TNR: variants seen among roughly 807,000 people sequenced by gnomAD.
The protein encoded by TNR is tenascin R.
In TNR, 45 loss-of-function variants were observed where a neutral mutation model predicts 150.4. That is an observed-to-expected ratio of 0.30 (90% confidence interval 0.24 to 0.38). TNR has a LOEUF of 0.38. Ranked by LOEUF, TNR falls within the 10% of genes least tolerant of loss-of-function variation. The pLI is 1.00. For synonymous variants in TNR, 687 were observed against 678.4 expected, an observed-to-expected ratio of 1.01 and a Z score of -0.20; for missense variants, 1,544 against 1,759.1, an observed-to-expected ratio of 0.88 and a Z score of 2.19.
rs142360833 is a variant in TNR at position 175,475,575 on chromosome 1, A to G, written c.-64+52694T>C. Among the ~76,000 whole-genome samples, 515 of 152,340 alleles carry G rather than the reference A, an allele frequency of 3.4e-3. 5 individuals carry two copies. Among genetic ancestry groups the G allele is most frequent in the Non-Finnish European group, 6.1e-3 (416 of 68,028 alleles). ...AATGCAAAATTCTTACAGTTCTAGG[A>G]TCATGCAGTTCTGGGATGGTGCCAC... On this transcript the variant is annotated intron_variant, in intron 2 of 22. Coordinates refer to ENST00000367674, the MANE Select transcript of TNR (RefSeq NM_003285.3).
chr1:175,534,346 T>G (rs1660187584), intron 1 of TNR, among the ~76,000 whole-genome samples: 1 of 152,224 alleles, frequency 6.6e-6, no homozygotes, highest in Admixed American at 6.5e-5. Context: ...AGAGTTTCCT[T>G]GGGACAGCTG....
At chr1:175,601,225 T>C (rs1469679597) in intron 1 of TNR, among the ~76,000 whole-genome samples, 2 of 152,248 alleles carry the variant, frequency 1.3e-5, no homozygotes, top group African/African-American at 4.8e-5. Context: ...GCACTTGCTC[T>C]GCAGCGGGTA....
intron 2 of TNR, among the ~76,000 whole-genome samples, chr1:175,480,129 A>G (rs1399435029): frequency 6.6e-6 from 1 of 152,068 alleles, no homozygotes; most frequent in Non-Finnish European, 1.5e-5. Context: ...GACTCCTCCT[A>G]CATGTCTCTG....
At chr1:175,548,692 G>A (rs1443395022) in intron 1 of TNR, among the ~76,000 whole-genome samples, 1 of 150,786 alleles carries the variant, frequency 6.6e-6, no homozygotes, top group African/African-American at 2.4e-5. Context: ...GGATGGGCAG[G>A]GAGCCTCTCT....
chr1:175,472,763 T>G (rs1657358092), intron 2 of TNR, among the ~76,000 whole-genome samples: 1 of 152,140 alleles, frequency 6.6e-6, no homozygotes, highest in Admixed American at 6.6e-5. Flanking sequence ...AAGGAGGGTA[T>G]GTAGTCATCT....
At chr1:175,460,394 CCCA>C (rs1346638172) in intron 2 of TNR, among the ~76,000 whole-genome samples, 1 of 151,890 alleles carries the variant, frequency 6.6e-6, no homozygotes, top group Non-Finnish European at 1.5e-5. Flanking sequence ...GTCCCTCACT[CCCA>C]CCAAGAAGGA....
At chr1:175,645,040 G>GT (rs1664770126) in intron 1 of TNR, among the ~76,000 whole-genome samples, 1 of 152,166 alleles carries the variant, frequency 6.6e-6, no homozygotes, top group African/African-American at 2.4e-5. Context: ...TATTTATTGA[G>GT]TGCTAACTGG....
chr1:175,628,461 A>G (rs773749500), intron 1 of TNR, among the ~76,000 whole-genome samples: 1 of 152,092 alleles, frequency 6.6e-6, no homozygotes, highest in Non-Finnish European at 1.5e-5. Flanking sequence ...ACATGTATAC[A>G]TATGTAACAA....
intron 1 of TNR, among the ~76,000 whole-genome samples, chr1:175,727,049 G>C (rs1667500602): frequency 6.6e-6 from 1 of 152,166 alleles, no homozygotes; most frequent in South Asian, 2.1e-4. Flanking sequence ...ACTCCTTGAT[G>C]ACTCCAGAGA....
chr1:175,589,165 C>A (rs1489015500), intron 1 of TNR, among the ~76,000 whole-genome samples: 1 of 152,136 alleles, frequency 6.6e-6, no homozygotes, highest in African/African-American at 2.4e-5. Context: ...CGAAACCAAG[C>A]AACTGGCCCA....
rs780953108 is a variant in TNR, at chr1:175,330,085, T to C, written c.3782A>G (p.Asn1261Ser). The change falls in exon 21 of 23, where the codon AAC (asparagine) becomes AGC (serine). Residue 1261 changes from asparagine (N) to serine (S), a missense_variant. Asn to Ser is a conservative substitution (Grantham distance 46). This residue lies in a region of TNR where 290 missense variants were observed against 429.7 expected (regional missense o/e 0.67). Coordinates refer to ENST00000367674, the MANE Select transcript of TNR (RefSeq NM_003285.3). ...NLYKLRIGSY[N>S]GTAGDSLSYH... is the part of the protein sequence containing the mutation. ...GGAGCCATAGGTACCCGCAGTGCCG[T>C]TGTAGCTTCCTATGCGGAGTTTGTA... 1 of 1,589,800 alleles carries C rather than the reference T, an allele frequency of 6.3e-7. No homozygotes were observed. Among genetic ancestry groups the C allele is most frequent in the Non-Finnish European group, 8.6e-7 (1 of 1,161,606 alleles).
intron 2 of TNR, among the ~76,000 whole-genome samples, chr1:175,521,492 G>A (rs147965883): frequency 2.6e-5 from 4 of 152,316 alleles, no homozygotes; most frequent in South Asian, 2.1e-4. Flanking sequence ...CACTGGGACC[G>A]CAGAAATATT....
Position 175,405,788 on chromosome 1 carries a change from CG to C in TNR, c.499+427del, listed in dbSNP as rs1310544797. ...AAAGGCTGCGATTGAGTGAACAGAG[CG>C]TCTGCATTCTCTAGTCCCTCAGGTT... On this transcript the variant is annotated intron_variant, in intron 3 of 22. Transcript: ENST00000367674. 2.0e-5 allele frequency among the ~76,000 whole-genome samples: 3 copies of C among 152,106 alleles called. No homozygotes were observed. In the East Asian group the frequency reaches 5.8e-4, roughly 29 times the overall value.
chr1:175,337,072 T>C (rs1344395355), intron 19 of TNR, among the ~76,000 whole-genome samples: 3 of 152,176 alleles, frequency 2.0e-5, no homozygotes, highest in South Asian at 2.1e-4. Context: ...TTTGTATTTT[T>C]AGTAGAGATA....
chr1:175,629,292 G>C (rs183646491), intron 1 of TNR, among the ~76,000 whole-genome samples: 5 of 152,290 alleles, frequency 3.3e-5, no homozygotes, highest in Middle Eastern at 3.4e-3. Flanking sequence ...AAACCAGATT[G>C]TTTTAAACTT....
chr1:175,626,653 T>A (rs891423483), intron 1 of TNR, among the ~76,000 whole-genome samples: 3 of 152,258 alleles, frequency 2.0e-5, no homozygotes, highest in African/African-American at 7.2e-5. Context: ...CTTTGTGTAT[T>A]TATACATATG....
At chr1:175,713,115 G>T (rs1037753586) in intron 1 of TNR, among the ~76,000 whole-genome samples, 6 of 152,200 alleles carry the variant, frequency 3.9e-5, no homozygotes, top group Non-Finnish European at 4.4e-5. Flanking sequence ...TGGACGATAG[G>T]CTGGGATCAA....
At chr1:175,616,014 A>G (rs1354847190) in intron 1 of TNR, among the ~76,000 whole-genome samples, 2 of 152,228 alleles carry the variant, frequency 1.3e-5, no homozygotes, top group African/African-American at 4.8e-5. Context: ...AAATAGCTAC[A>G]TTAAGGTAAT....
chr1:175,499,351 A>T (rs1490843873), intron 2 of TNR, among the ~76,000 whole-genome samples: 1 of 152,224 alleles, frequency 6.6e-6, no homozygotes, highest in Non-Finnish European at 1.5e-5. Flanking sequence ...TAAGGGCTCC[A>T]CTTGTCAAAT....
Sources: gnomAD v4.1 joint callset for allele counts (sites outside exome capture counted in the v4.1 genomes callset) on GRCh38, gnomAD v4.1.1 for gene constraint, gnomAD v4.1.1 regional missense constraint, MANE v1.5 for transcripts, NCBI Gene and HGNC (gene_info 2026-07-23, HGNC 2026-07-21) for gene names.